Variants in EXD3 observed in about 807,000 individuals in gnomAD.
EXD3 encodes exonuclease 3'-5' domain containing 3, also known as exonuclease mut-7 homolog.
Under a neutral mutation model 98.0 loss-of-function variants are expected in EXD3, and 92 were observed. The ratio of observed to expected loss-of-function variants is 0.94; its 90% CI spans 0.79 to 1.12. The LOEUF is 1.12. Ranked by LOEUF, EXD3 falls within the 50% of genes most tolerant of loss-of-function variation. EXD3 has a pLI of 0.00. For missense variants in EXD3, 1,222 were observed against 1,191.6 expected (o/e 1.03, Z -0.38); for synonymous variants, 569 against 526.0 (o/e 1.08, Z -1.12).
chr9:137,404,366 T>C (rs149094847), intron 1 of EXD3, among the ~76,000 whole-genome samples: 41 of 152,246 alleles, frequency 2.7e-4, no homozygotes, highest in African/African-American at 9.6e-4. Context: ...TCCGCCTTCA[T>C]GAAAGAGGCG....
intron 5 of EXD3, 55 bp downstream of exon 5, chr9:137,372,850 G>A: frequency 6.4e-7 from 1 of 1,571,086 alleles, no homozygotes; most frequent in East Asian, 2.2e-5. Flanking sequence ...GCGCGTCCTT[G>A]CCCCACCGCC....
intron 8 of EXD3, among the ~76,000 whole-genome samples, chr9:137,355,548 AGGAGGAAGGAGGAAG>A (rs1564508468): frequency 9.6e-5 from 5 of 52,326 alleles, no homozygotes; most frequent in African/African-American, 1.2e-4. Flanking sequence ...GGAAGGAGGA[AGGAGGAAGGAGGAAG>A]GGAGGATGGA....
chr9:137,355,429 G>A (rs542343969), intron 8 of EXD3, among the ~76,000 whole-genome samples: 3 of 123,472 alleles, frequency 2.4e-5, no homozygotes, highest in South Asian at 2.2e-4. Context: ...GAAGGAGGAA[G>A]GAGGATGGAG....
chr9:137,402,970 G>C (rs28524646), intron 1 of EXD3, among the ~76,000 whole-genome samples: 1 of 151,890 alleles, frequency 6.6e-6, no homozygotes, highest in Non-Finnish European at 1.5e-5. Context: ...AACAGCATGG[G>C]AAAGACCGGC....
intron 7 of EXD3, among the ~76,000 whole-genome samples, chr9:137,356,680 T>C (rs1193009754): frequency 6.6e-6 from 1 of 152,204 alleles, no homozygotes; most frequent in Non-Finnish European, 1.5e-5. Flanking sequence ...TATTAGAGTT[T>C]TAGCTAAATC....
intron 16 of EXD3, among the ~76,000 whole-genome samples, chr9:137,348,810 G>A (rs1834093648): frequency 6.6e-6 from 1 of 150,916 alleles, no homozygotes; most frequent in South Asian, 2.1e-4. Flanking sequence ...GGGATCACGG[G>A]GAGGGGGCTA....
intron 2 of EXD3, among the ~76,000 whole-genome samples, chr9:137,391,321 G>A (rs1042039925): frequency 2.6e-5 from 4 of 152,338 alleles, no homozygotes; most frequent in East Asian, 1.9e-4. Context: ...GGCGGGTGCC[G>A]AGGAACCCGT....
At chr9:137,355,491 ATGG>A (rs1564508278) in intron 8 of EXD3, among the ~76,000 whole-genome samples, 4,462 of 39,666 alleles carry the variant, frequency 0.11, 71 homozygotes, top group South Asian at 0.2. Flanking sequence ...AGGAAGGAGG[ATGG>A]AGGAAGGAGG....
chr9:137,396,986 G>A lies in EXD3; in HGVS notation c.-47-1582C>T, dbSNP rs567070604. On this transcript the variant is annotated intron_variant, in intron 1 of 21. Transcript: ENST00000340951. ...TCCCACCATGCCGAGGGGGCCACTG[G>A]GGGACACACACCTGCAGGAGGGGCT... is the stretch of plus-strand genomic sequence containing the variant. 3.4e-3 allele frequency among the ~76,000 whole-genome samples: 520 copies of A among 152,334 alleles called. 3 individuals are homozygous for A. The highest frequency in any genetic ancestry group is 0.012 in the African/African-American group (486 of 41,582).
rs945789199 is a variant in EXD3 at position 137,403,951 on chromosome 9, C to T, written c.-47-8547G>A. ...GAAGGATGTGGAGTGTCCTCCAGGG[C>T]CGTACAAAGCACCACACACAGGGCG... On this transcript the variant is annotated intron_variant, in intron 1 of 21. Transcript: ENST00000340951. This position sits in a 1 kb window ranked among gnomAD's most constrained non-coding sequence, Gnocchi z 6.1. Among the ~76,000 whole-genome samples, 10 of 152,054 alleles carry T rather than the reference C, an allele frequency of 6.6e-5. No individual in the cohort carries two copies. Among genetic ancestry groups the T allele is most frequent in the African/African-American group, 2.4e-4 (10 of 41,414 alleles).
chr9:137,336,007 G>A (rs1833336593), intron 17 of EXD3, among the ~76,000 whole-genome samples: 1 of 152,076 alleles, frequency 6.6e-6, no homozygotes, highest in African/African-American at 2.4e-5. Context: ...TGGATCTGGA[G>A]GCCATTATTC....
rs751611486 is a variant in EXD3, at chr9:137,395,970, C to CTTT, written c.-47-569_-47-567dup. On this transcript the variant is annotated intron_variant, in intron 1 of 21. Transcript: ENST00000340951. This position sits in a 1 kb window ranked among gnomAD's most constrained non-coding sequence, Gnocchi z 6.5. Reference sequence around the variant, plus strand: ...TTTTTTTTCTTTTCTTTCTTTCTTTCTTTTTTTTTTTTTTGGAGACAGAGT... The same window carrying CTTT: ...TTTTTTTTCTTTTCTTTCTTTCTTTCTTTTTTTTTTTTTTTTTGGAGACAGAGT... 3.3e-4 allele frequency among the ~76,000 whole-genome samples: 46 copies of CTTT among 140,764 alleles called. No individual in the cohort carries two copies. In the South Asian group the frequency reaches 9.9e-3, roughly 30 times the overall value. 92.3% of individuals were successfully genotyped at this position (140,764 alleles called of 152,430 possible).
At position 137,407,446 on chromosome 9, in the gene EXD3, G is replaced by C. The variant is rs1470684751; in HGVS notation, c.-47-12042C>G. Among the ~76,000 whole-genome samples the C allele has an allele frequency of 3.9e-5, 6 of 152,324 alleles. No individual in the cohort carries two copies. Among genetic ancestry groups the C allele is most frequent in the Admixed American group, 1.3e-4 (2 of 15,310 alleles). ...CGGCTCACCGCAGGCCCTTTCCTGG[G>C]GGCCTCTGTGCCGTGCAAAGGGCAG... On this transcript the variant is annotated intron_variant, in intron 1 of 21. Coordinates refer to ENST00000340951, the MANE Select transcript of EXD3 (RefSeq NM_017820.5). This position sits in a 1 kb window ranked among gnomAD's most constrained non-coding sequence, Gnocchi z 4.4.
chr9:137,373,329 G>T, intron 4 of EXD3, 97 bp downstream of exon 4: 1 of 1,415,836 alleles, frequency 7.1e-7, no homozygotes, highest in Non-Finnish European at 9.6e-7. Flanking sequence ...GGCTTGCTGA[G>T]CGGGCTGCAA....
intron 3 of EXD3, among the ~76,000 whole-genome samples, chr9:137,379,904 T>C (rs1051563201): frequency 6.6e-6 from 1 of 151,730 alleles, no homozygotes; most frequent in Non-Finnish European, 1.5e-5. Flanking sequence ...AGGCCCCCAG[T>C]GGCAGCTGTG....
In EXD3 at chr9:137,407,827, C is replaced by CGGGAGGT. The variant is rs1299409330; in HGVS notation, c.-47-12424_-47-12423insACCTCCC. On this transcript the variant is annotated intron_variant, in intron 1 of 21. Coordinates refer to ENST00000340951, the MANE Select transcript of EXD3 (RefSeq NM_017820.5). This position sits in a 1 kb window ranked among gnomAD's most constrained non-coding sequence, Gnocchi z 4.4. ...CGCCGGCTGGACCCAAGGACACACG[C>CGGGAGGT]GGGAGGCGGGAGGCGGGAGGGGCAC... is the stretch of plus-strand genomic sequence containing the variant. Among the ~76,000 whole-genome samples, 2 of 147,730 alleles carry CGGGAGGT rather than the reference C, an allele frequency of 1.4e-5. No individual in the cohort carries two copies. Among genetic ancestry groups the CGGGAGGT allele is most frequent in the Non-Finnish European group, 1.5e-5 (1 of 66,544 alleles).
chr9:137,311,877 T>C (rs936005062), intron 19 of EXD3, among the ~76,000 whole-genome samples: 4 of 152,114 alleles, frequency 2.6e-5, no homozygotes, highest in Admixed American at 6.5e-5. Flanking sequence ...GAGTGAGTGG[T>C]GCTGGTGGCC....
chr9:137,345,969 C>A (rs1323526742), intron 17 of EXD3: 2 of 151,962 alleles, frequency 1.3e-5, no homozygotes, highest in African/African-American at 2.4e-5. Context: ...GAGCTTGGAA[C>A]AGAAGACCTA....
chr9:137,394,874 G>A lies in EXD3; in HGVS notation c.55+429C>T, dbSNP rs962228287. ...CCTGGAGGCCACCCTGGAACCGCCC[G>A]AGACCCAAGAGGCTGTGGGTTCCCT... On this transcript the variant is annotated intron_variant, in intron 2 of 21. Coordinates refer to ENST00000340951, the MANE Select transcript of EXD3 (RefSeq NM_017820.5). Among the ~76,000 whole-genome samples the A allele has an allele frequency of 9.2e-5, 14 of 152,134 alleles. 1 individual carries two copies. Among genetic ancestry groups the A allele is most frequent in the African/African-American group, 1.9e-4 (8 of 41,434 alleles).
Sources: gnomAD v4.1 joint callset for allele counts (sites outside exome capture counted in the v4.1 genomes callset) on GRCh38, gnomAD v4.1.1 for gene constraint, Gnocchi (gnomAD v3.1) non-coding constraint, MANE v1.5 for transcripts, NCBI Gene and HGNC (gene_info 2026-07-23, HGNC 2026-07-21) for gene names.